LRP1B: variants seen among roughly 807,000 people sequenced by gnomAD.
The protein encoded by LRP1B is LDL receptor related protein 1B, also known as low-density lipoprotein receptor-related protein 1B.
In LRP1B, 217 loss-of-function variants were observed where a neutral mutation model predicts 556.6. The ratio of observed to expected loss-of-function variants is 0.39; its 90% CI spans 0.35 to 0.44. The LOEUF (loss-of-function observed/expected upper bound fraction) is 0.44, where lower values mean the gene tolerates loss of function less well. Ranked by LOEUF, LRP1B falls within the 20% of genes least tolerant of loss-of-function variation. The pLI is 1.00. For missense variants in LRP1B, 5,053 were observed against 5,620.8 expected, an observed-to-expected ratio of 0.90 and a Z score of 3.23; for synonymous variants, 2,047 against 1,865.8, an observed-to-expected ratio of 1.10 and a Z score of -2.50.
chr2:141,366,639 G>T (rs919068125), intron 3 of LRP1B, among the ~76,000 whole-genome samples: 1 of 152,060 alleles, frequency 6.6e-6, no homozygotes, highest in African/African-American at 2.4e-5. Flanking sequence ...TTCAAAATCG[G>T]CCATATTGGA....
chr2:141,252,158 G>T (rs1470257346), intron 4 of LRP1B, among the ~76,000 whole-genome samples: 1 of 151,490 alleles, frequency 6.6e-6, no homozygotes, highest in African/African-American at 2.4e-5. Flanking sequence ...CTCCAACTAT[G>T]GGGTTGCCTT....
At chr2:140,391,776 CA>C (rs766984359) in intron 66 of LRP1B, among the ~76,000 whole-genome samples, 11 of 152,000 alleles carry the variant, frequency 7.2e-5, no homozygotes, top group Non-Finnish European at 1.5e-4. Context: ...AAAGTACATA[CA>C]AAGTACATAT....
At chr2:140,297,996 G>A (rs2105001448) in intron 83 of LRP1B, 27 bp from the exon 84 acceptor site, 1 of 1,551,880 alleles carries the variant, frequency 6.4e-7, no homozygotes, top group Non-Finnish European at 8.8e-7. Flanking sequence ...GTAATAAAAA[G>A]CAAATTATTC....
At chr2:140,573,080 GCA>G (rs1681390796) in intron 43 of LRP1B, among the ~76,000 whole-genome samples, 1 of 151,684 alleles carries the variant, frequency 6.6e-6, no homozygotes, top group Non-Finnish European at 1.5e-5. Flanking sequence ...GTGTTCTATA[GCA>G]CTGTAGGGTG....
intron 68 of LRP1B, among the ~76,000 whole-genome samples, chr2:140,375,461 A>G (rs574979725): frequency 2.6e-5 from 4 of 152,256 alleles, no homozygotes; most frequent in Admixed American, 1.3e-4. Context: ...CCATTGGTTT[A>G]TAATTGGTTC....
chr2:140,259,894 T>A (rs1475575023), intron 86 of LRP1B, among the ~76,000 whole-genome samples: 2 of 151,912 alleles, frequency 1.3e-5, no homozygotes, highest in African/African-American at 4.8e-5. Context: ...TAGAGTAATG[T>A]GATAAATGTA....
rs950926558 is a variant in LRP1B at position 140,325,954 on chromosome 2, T to C, written c.12224-76A>G. On this transcript the variant is annotated intron_variant, in intron 79 of 90. Transcript: ENST00000389484. ...TTCAAAATCATACTTTTGCTTCTTATTGTATAATTACACTTGACATTTGTC... is the reference window on the plus strand; with the variant it reads ...TTCAAAATCATACTTTTGCTTCTTACTGTATAATTACACTTGACATTTGTC... 5.1e-5 allele frequency: 46 copies of C among 908,458 alleles called. 1 individual carries two copies. The South Asian group carries it at 6.0e-4, about 12-fold the overall frequency. 56.3% of individuals were successfully genotyped at this position (908,458 alleles called of 1,614,324 possible).
rs1707828113 is a variant in LRP1B at position 142,130,882 on chromosome 2, C to T, written c.-153G>A. 1.4e-6 allele frequency: 1 copy of T among 696,962 alleles called. No homozygotes were observed. Among genetic ancestry groups the T allele is most frequent in the Non-Finnish European group, 2.6e-6 (1 of 386,696 alleles). The allele number at this position is 696,962 out of a possible 1,614,324, so 43.2% of individuals were successfully genotyped here. A position where few individuals can be genotyped will look rare whatever the true frequency, so the allele number is the denominator to read the frequency against. On this transcript the variant is annotated 5_prime_UTR_variant, in exon 1 of 91. Coordinates refer to ENST00000389484, the MANE Select transcript of LRP1B (RefSeq NM_018557.3). ...AAATTCTTCAGCTCAATGAGTCCAG[C>T]CAGTCAGCCTTCTCCTGCCTGGAGC...
At chr2:141,570,417 T>C (rs1043308676) in intron 2 of LRP1B, among the ~76,000 whole-genome samples, 2 of 142,362 alleles carry the variant, frequency 1.4e-5, no homozygotes, top group Admixed American at 6.9e-5. Context: ...GAACCCAAGA[T>C]TGAAAGATCC....
intron 41 of LRP1B, among the ~76,000 whole-genome samples, chr2:140,690,578 G>T (rs1050015130): frequency 6.6e-6 from 1 of 152,066 alleles, no homozygotes; most frequent in African/African-American, 2.4e-5. Flanking sequence ...GATAGACTCA[G>T]GAAATTTTGA....
intron 7 of LRP1B, among the ~76,000 whole-genome samples, chr2:141,092,749 AAGG>A (rs558559069): frequency 7.5e-4 from 114 of 152,330 alleles, no homozygotes; most frequent in Middle Eastern, 3.4e-3. Context: ...GAAGTGTTTC[AAGG>A]AGGAGAGAGA....
chr2:141,163,883 T>C (rs1254817880), intron 7 of LRP1B, among the ~76,000 whole-genome samples: 2 of 152,090 alleles, frequency 1.3e-5, no homozygotes, highest in Non-Finnish European at 2.9e-5. Context: ...ATATCCTGCA[T>C]GGGTAAACTA....
At chr2:142,095,420 A>T (rs1461346838) in intron 1 of LRP1B, among the ~76,000 whole-genome samples, 1 of 151,838 alleles carries the variant, frequency 6.6e-6, no homozygotes, top group African/African-American at 2.4e-5. Flanking sequence ...AGTACTTAAA[A>T]TATCTGGTAT....
Position 140,934,754 on chromosome 2 carries a change from T to C in LRP1B, c.3137-11607A>G, listed in dbSNP as rs372557734. ...TGCAAAGAGGTGGTGGCCATTGTCA[T>C]TGCACCTCTCTCCATCGTTACAAGT... On this transcript the variant is annotated intron_variant, in intron 20 of 90. Transcript: ENST00000389484. Among the ~76,000 whole-genome samples, 6 of 152,248 alleles carry C rather than the reference T, an allele frequency of 3.9e-5. No individual in the cohort carries two copies. In the East Asian group the frequency reaches 9.7e-4, roughly 25 times the overall value.
rs2105115765 is a variant in LRP1B, at chr2:140,350,862, G to A, written c.11827C>T (p.Pro3943Ser). The change falls in exon 77 of 91, where the codon CCA becomes TCA. Residue 3943 changes from proline (P) to serine (S), a missense_variant. Around this residue, in one of 5 missense-constraint regions of LRP1B, gnomAD observed 599 missense variants for 648.4 expected, o/e 0.92. Transcript: ENST00000389484. ...ATCCTTTTGTAGAAAATTCCGCCTG[G>A]ATTAAACTGAGTACTCCAAATAATC... ...DMIIWSTQFN[P>S]GGIFYKRIHG... 1 of 1,610,022 alleles carries A rather than the reference G, an allele frequency of 6.2e-7. No individual in the cohort carries two copies. Among genetic ancestry groups the A allele is most frequent in the Non-Finnish European group, 8.5e-7 (1 of 1,177,474 alleles).
rs1559005791 is a variant in LRP1B, at chr2:140,613,364, A to AATATAAATATATATAATTATATAC, written c.6800-11749_6800-11726dup. 6.4e-5 allele frequency among the ~76,000 whole-genome samples: 4 copies of AATATAAATATATATAATTATATAC among 62,630 alleles called. 1 individual carries two copies. The highest frequency in any genetic ancestry group is 7.1e-4 in the South Asian group (1 of 1,406). 41.1% of individuals were successfully genotyped at this position (62,630 alleles called of 152,430 possible). A position where few individuals can be genotyped will look rare whatever the true frequency, so the allele number is the denominator to read the frequency against. ...ACATATAAATATAAATAATTATATA[A>AATATAAATATATATAATTATATAC]ATATAAATATATATAATTATATACA... On this transcript the variant is annotated intron_variant, in intron 41 of 90. Transcript: ENST00000389484.
At chr2:141,874,526 A>T (rs181819001) in intron 1 of LRP1B, among the ~76,000 whole-genome samples, 19 of 152,104 alleles carry the variant, frequency 1.2e-4, no homozygotes, top group African/African-American at 4.3e-4. Context: ...CTGTTTTATA[A>T]AAACAATTCC....
At chr2:140,457,055 T>G (rs142691029) in intron 61 of LRP1B, among the ~76,000 whole-genome samples, 284 of 152,286 alleles carry the variant, frequency 1.9e-3, no homozygotes, top group Non-Finnish European at 3.3e-3. Context: ...AAATTCCTAT[T>G]AAACATATGC....
chr2:141,427,419 T>C (rs1003384264), intron 3 of LRP1B, among the ~76,000 whole-genome samples: 1 of 152,176 alleles, frequency 6.6e-6, no homozygotes, highest in Non-Finnish European at 1.5e-5. Context: ...AATAGAAGAA[T>C]ATGATGCTTA....
Sources: allele counts gnomAD v4.1 joint callset (sites outside exome capture counted in the v4.1 genomes callset), GRCh38; gene constraint gnomAD v4.1.1; regional missense constraint gnomAD v4.1.1; transcripts MANE v1.5; gene names NCBI Gene and HGNC (gene_info 2026-07-23, HGNC 2026-07-21).